Variants in SYK observed in about 807,000 individuals in gnomAD.
The protein encoded by SYK is spleen associated tyrosine kinase.
SYK carries 16 observed loss-of-function variants against 77.8 expected under a neutral mutation model. The ratio of observed to expected loss-of-function variants is 0.21; its 90% CI spans 0.14 to 0.31. SYK has a LOEUF of 0.31. SYK is among the 10% of genes least tolerant of loss of function. The pLI is 1.00. For synonymous variants in SYK, 312 were observed against 308.7 expected (o/e 1.01, Z -0.11); for missense variants, 529 against 814.4 (o/e 0.65, Z 4.26).
chr9:90,890,428 C>T (rs1242980928), intron 13 of SYK, among the ~76,000 whole-genome samples: 1 of 152,222 alleles, frequency 6.6e-6, no homozygotes, highest in African/African-American at 2.4e-5. Context: ...AGAATTACAG[C>T]AAAGTAGAGC....
intron 1 of SYK, among the ~76,000 whole-genome samples, chr9:90,829,651 G>A (rs1825807327): frequency 1.3e-5 from 2 of 152,194 alleles, no homozygotes; most frequent in Admixed American, 6.5e-5. Flanking sequence ...AGGGAGGCAG[G>A]AGGTTCATTT....
At chr9:90,803,621 C>A (rs934260523) in intron 1 of SYK, among the ~76,000 whole-genome samples, 7 of 151,964 alleles carry the variant, frequency 4.6e-5, no homozygotes, top group African/African-American at 1.7e-4. Context: ...CAGGTCTAAT[C>A]TCTCTGCTTT....
chr9:90,876,589 GGTT>G (rs1827945498), intron 9 of SYK, among the ~76,000 whole-genome samples: 1 of 152,168 alleles, frequency 6.6e-6, no homozygotes, highest in African/African-American at 2.4e-5. Context: ...GATTATGAAA[GGTT>G]GTGATCTTTA....
At chr9:90,824,682 CA>C (rs888691140) in intron 1 of SYK, among the ~76,000 whole-genome samples, 108 of 141,790 alleles carry the variant, frequency 7.6e-4, no homozygotes, top group African/African-American at 2.6e-3. Flanking sequence ...TCTTTCATGT[CA>C]AAAAAAAAAT....
intron 1 of SYK, among the ~76,000 whole-genome samples, chr9:90,841,581 TGCATGTA>T: frequency 1.3e-5 from 2 of 150,606 alleles, no homozygotes; most frequent in African/African-American, 4.9e-5. Flanking sequence ...GTGTGTAGTG[TGCATGTA>T]GTTGTGTGGT....
At chr9:90,845,646 A>T (rs750927120) in intron 3 of SYK, 52 bp downstream of exon 3, 1 of 1,586,256 alleles carries the variant, frequency 6.3e-7, no homozygotes, top group South Asian at 1.2e-5. Flanking sequence ...TGTGTGGACA[A>T]TTGGGAATAA....
intron 1 of SYK, among the ~76,000 whole-genome samples, chr9:90,842,314 AGTGT>A (rs978374623): frequency 2.2e-5 from 3 of 136,048 alleles, no homozygotes; most frequent in African/African-American, 2.8e-5. Flanking sequence ...TGTGGTATGG[AGTGT>A]GTGTGTGTGG....
intron 7 of SYK, among the ~76,000 whole-genome samples, chr9:90,872,236 C>A (rs950705891): frequency 2.0e-5 from 3 of 152,196 alleles, no homozygotes; most frequent in African/African-American, 7.2e-5. Context: ...GGCTGCAACC[C>A]CAGGATAATG....
intron 3 of SYK, among the ~76,000 whole-genome samples, chr9:90,858,617 G>A (rs1054611900): frequency 7.2e-5 from 11 of 152,198 alleles, no homozygotes; most frequent in African/African-American, 2.4e-4. Context: ...CTCAGTAAGA[G>A]GACACAGCCA....
At chr9:90,863,965 T>C (rs1182527926) in intron 4 of SYK, among the ~76,000 whole-genome samples, 1 of 152,212 alleles carries the variant, frequency 6.6e-6, no homozygotes, top group Non-Finnish European at 1.5e-5. Context: ...GATCATAGCA[T>C]TCATCCCTAA....
At chr9:90,849,378 G>A (rs770869312) in intron 3 of SYK, among the ~76,000 whole-genome samples, 66 of 152,278 alleles carry the variant, frequency 4.3e-4, no homozygotes, top group Admixed American at 8.5e-4. Flanking sequence ...CCTGTGGGCT[G>A]GCCCTTAAGA....
At position 90,893,023 on chromosome 9, in the gene SYK, C is replaced by G. The variant is rs564444253; in HGVS notation, c.1836-2505C>G. Reference sequence around the variant, plus strand: ...GAGAGCCCTGGGTCATTCACAGGGTCGGTGGCCACTGCCGGAGCTCCTGCT... The same window carrying G: ...GAGAGCCCTGGGTCATTCACAGGGTGGGTGGCCACTGCCGGAGCTCCTGCT... On this transcript the variant is annotated intron_variant, in intron 13 of 13. Coordinates refer to ENST00000375754, the MANE Select transcript of SYK (RefSeq NM_003177.7). Among the ~76,000 whole-genome samples the G allele has an allele frequency of 5.3e-5, 8 of 152,350 alleles. 1 individual carries two copies. The South Asian group carries it at 1.2e-3, about 24-fold the overall frequency.
intron 6 of SYK, 60 bp downstream of exon 6, chr9:90,865,157 G>A (rs2118805167): frequency 6.6e-7 from 1 of 1,516,620 alleles, no homozygotes; most frequent in Non-Finnish European, 9.2e-7. Context: ...CAAATGAAAA[G>A]CATGTTTTAG....
intron 4 of SYK, 39 bp from the exon 5 acceptor site, chr9:90,864,550 C>A (rs748996011): frequency 8.3e-6 from 13 of 1,562,554 alleles, no homozygotes; most frequent in East Asian, 6.7e-5. Flanking sequence ...TATTTCCTGA[C>A]CTTGGTATTT....
chr9:90,874,706 G>A lies in SYK; in HGVS notation c.1038G>A (p.Glu346=). 1 of 1,614,100 alleles carries A rather than the reference G, an allele frequency of 6.2e-7. No homozygotes were observed. The highest frequency in any genetic ancestry group is 1.3e-5 in the African/African-American group (1 of 75,022). Residue 346 remains glutamate, a synonymous_variant, in exon 9 of 14, where the codon GAG becomes GAA. Coordinates refer to ENST00000375754, the MANE Select transcript of SYK (RefSeq NM_003177.7). Reference sequence around the variant, plus strand: ...GAGAAGCCCTACCCATGGACACAGAGGTGTACGAGAGCCCCTACGCGGACC... The same window carrying A: ...GAGAAGCCCTACCCATGGACACAGAAGTGTACGAGAGCCCCTACGCGGACC... The part of the protein sequence containing the change: ...PQREALPMDT[E]VYESPYADPE...
rs571844503 is a variant in SYK, at chr9:90,836,630, C to T, written c.-41-7228C>T. On this transcript the variant is annotated intron_variant, in intron 1 of 13. Transcript: ENST00000375754. Reference sequence around the variant, plus strand: ...GTGATGCTCATCATCTCTGTGTGAGCAGTTCATCTCTCCAGTAAATTGCAT... The same window carrying T: ...GTGATGCTCATCATCTCTGTGTGAGTAGTTCATCTCTCCAGTAAATTGCAT... Among the ~76,000 whole-genome samples, 6 of 152,328 alleles carry T rather than the reference C, an allele frequency of 3.9e-5. No individual in the cohort carries two copies. In the South Asian group the frequency reaches 1.0e-3, roughly 26 times the overall value.
At chr9:90,820,979 A>G (rs1173915322) in intron 1 of SYK, among the ~76,000 whole-genome samples, 2 of 152,100 alleles carry the variant, frequency 1.3e-5, no homozygotes, top group Non-Finnish European at 2.9e-5. Context: ...CTCAAGTTCA[A>G]AGTTTCACAG....
chr9:90,808,461 G>GTTT (rs10573213), intron 1 of SYK, among the ~76,000 whole-genome samples: 11 of 142,892 alleles, frequency 7.7e-5, no homozygotes, highest in African/African-American at 1.6e-4. Context: ...GTGTGTGTTG[G>GTTT]TTTTTTTTTT....
intron 13 of SYK, among the ~76,000 whole-genome samples, chr9:90,888,891 G>A (rs1828682686): frequency 1.3e-5 from 2 of 152,178 alleles, no homozygotes; most frequent in South Asian, 4.1e-4. Flanking sequence ...ATGGTGGAGA[G>A]ATGGGGCAAG....
Sources: gnomAD v4.1 joint callset for allele counts (sites outside exome capture counted in the v4.1 genomes callset) on GRCh38, gnomAD v4.1.1 for gene constraint, MANE v1.5 for transcripts, NCBI Gene and HGNC (gene_info 2026-07-23, HGNC 2026-07-21) for gene names.